The following ATP2B2 variants were observed in gnomAD, a reference collection of about 807,000 sequenced individuals.
ATP2B2 encodes the protein plasma membrane calcium-transporting ATPase 2.
In ATP2B2, 15 loss-of-function variants were observed where a neutral mutation model predicts 120.0. That is an observed-to-expected ratio of 0.12 (90% CI 0.08 to 0.19). The LOEUF (loss-of-function observed/expected upper bound fraction) is 0.19. Ranked by LOEUF, ATP2B2 falls within the 10% of genes least tolerant of loss-of-function variation. ATP2B2 has a pLI of 1.00. For synonymous variants in ATP2B2, 694 were observed against 700.3 expected (o/e 0.99, Z 0.14); for missense variants, 1,045 against 1,719.8 (o/e 0.61, Z 6.94).
Position 10,329,402 on chromosome 3 carries a change from G to A in ATP2B2, c.3421-277C>T, listed in dbSNP as rs751019091. On this transcript the variant is annotated intron_variant, in intron 22 of 22. Transcript: ENST00000360273. This position sits in a 1 kb window ranked among gnomAD's most constrained non-coding sequence, Gnocchi z 5.9. ...CCAAGCACCATCAAAGAGATGATGGGGAACAGTGGTTAAAGGAAGCACAGT... is the reference window on the plus strand; with the variant it reads ...CCAAGCACCATCAAAGAGATGATGGAGAACAGTGGTTAAAGGAAGCACAGT... 2.0e-5 allele frequency among the ~76,000 whole-genome samples: 3 copies of A among 152,042 alleles called. No individual in the cohort carries two copies. The highest frequency in any genetic ancestry group is 6.6e-5 in the Admixed American group (1 of 15,266).
intron 5 of ATP2B2, among the ~76,000 whole-genome samples, chr3:10,398,018 C>T (rs1193173813): frequency 6.6e-6 from 1 of 152,162 alleles, no homozygotes; most frequent in African/African-American, 2.4e-5. Context: ...ATTTCTGATG[C>T]CAGGGCTTCA....
At chr3:10,577,679 C>A (rs1038750546) in intron 2 of ATP2B2, among the ~76,000 whole-genome samples, 4 of 152,214 alleles carry the variant, frequency 2.6e-5, no homozygotes, top group African/African-American at 9.7e-5. Flanking sequence ...TAGATGGTGT[C>A]CTGCCAGCTC....
intron 1 of ATP2B2, among the ~76,000 whole-genome samples, chr3:10,703,602 C>T (rs915686080): frequency 5.9e-5 from 9 of 152,172 alleles, no homozygotes; most frequent in African/African-American, 1.2e-4. Context: ...CCTTTTAGCC[C>T]GCACAGCCAT....
rs150252720 is a variant in ATP2B2 at position 10,385,314 on chromosome 3, C to T, written c.954G>A (p.Ala318=). 1.5e-3 allele frequency: 2,417 copies of T among 1,613,804 alleles called. 25 individuals are homozygous for T. In the African/African-American group the frequency reaches 0.027, roughly 18 times the overall value. The change falls in exon 8 of 23, where the codon GCG becomes GCA. Residue 318 remains alanine (A), a synonymous_variant. Coordinates refer to ENST00000360273, the MANE Select transcript of ATP2B2 (RefSeq NM_001001331.4). The stretch of plus-strand genomic sequence containing the variant: ...CACTATCTGCAGCATTTGAAGCTGC[C>T]GCACCGTCTGCTGCTGCAGGGGGGT... ...DGLQLPAADG[A]AASNAADSAN...
In ATP2B2 at chr3:10,634,800, G is replaced by A. The variant is rs570152556; in HGVS notation, c.-459-14839C>T. 5.9e-5 allele frequency among the ~76,000 whole-genome samples: 9 copies of A among 152,292 alleles called. No homozygotes were observed. In the East Asian group the frequency reaches 1.4e-3, roughly 23 times the overall value. On this transcript the variant is annotated intron_variant, in intron 1 of 21. Transcript: ENST00000646379. ...TACTCCCCTAAAGGAGCTCCCCTGT[G>A]AGCCTCCTGGCAGCCAGAACTCCAC...
At chr3:10,648,067 G>A (rs561466268) in intron 1 of ATP2B2, among the ~76,000 whole-genome samples, 1 of 152,316 alleles carries the variant, frequency 6.6e-6, no homozygotes, top group African/African-American at 2.4e-5. Flanking sequence ...GAGCACTTGG[G>A]CATATAAGTT....
chr3:10,703,184 C>A (rs2071844810), intron 1 of ATP2B2, among the ~76,000 whole-genome samples: 2 of 152,214 alleles, frequency 1.3e-5, no homozygotes, highest in African/African-American at 4.8e-5. Context: ...TGGCTCCACC[C>A]TCAGGAGGCG....
At chr3:10,686,800 C>T (rs1323123582) in intron 1 of ATP2B2, among the ~76,000 whole-genome samples, 1 of 152,218 alleles carries the variant, frequency 6.6e-6, no homozygotes, top group African/African-American at 2.4e-5. Flanking sequence ...AAGCCCTATA[C>T]CTTTTAAGAA....
intron 3 of ATP2B2, among the ~76,000 whole-genome samples, chr3:10,409,480 T>C (rs2062532610): frequency 6.6e-6 from 1 of 152,214 alleles, no homozygotes; most frequent in Non-Finnish European, 1.5e-5. Context: ...TCAAGTCAGA[T>C]TTAAATCTCA....
intron 5 of ATP2B2, among the ~76,000 whole-genome samples, chr3:10,397,155 C>T (rs2062065358): frequency 6.6e-6 from 1 of 152,220 alleles, no homozygotes; most frequent in Non-Finnish European, 1.5e-5. Flanking sequence ...AGCTTCTCCC[C>T]ACTGCCTCTG....
chr3:10,553,945 G>GA (rs1279274405), intron 2 of ATP2B2, among the ~76,000 whole-genome samples: 19 of 140,442 alleles, frequency 1.4e-4, no homozygotes, highest in African/African-American at 5.0e-4. Context: ...GGGGTTTTGT[G>GA]AAAAGAAGCA....
chr3:10,581,069 G>C (rs906829893), intron 2 of ATP2B2, among the ~76,000 whole-genome samples: 3 of 152,220 alleles, frequency 2.0e-5, no homozygotes, highest in Non-Finnish European at 4.4e-5. Flanking sequence ...GGGGACTACT[G>C]TTCTGCCCAT....
intron 2 of ATP2B2, among the ~76,000 whole-genome samples, chr3:10,594,876 G>A (rs1158023513): frequency 1.3e-5 from 2 of 152,176 alleles, no homozygotes; most frequent in African/African-American, 4.8e-5. Flanking sequence ...ATGAGGAAAT[G>A]GAGGCGTAAG....
chr3:10,437,893 G>C (rs555173796), intron 2 of ATP2B2, among the ~76,000 whole-genome samples: 51 of 152,354 alleles, frequency 3.3e-4, no homozygotes, highest in African/African-American at 1.2e-3. Flanking sequence ...CAGAGAGACA[G>C]ATATGCATAG....
chr3:10,408,108 T>C (rs1221160666), intron 3 of ATP2B2, among the ~76,000 whole-genome samples: 1 of 152,194 alleles, frequency 6.6e-6, no homozygotes, highest in Non-Finnish European at 1.5e-5. Context: ...CACTGGCTGC[T>C]CAGGGAGGGC....
intron 8 of ATP2B2, among the ~76,000 whole-genome samples, chr3:10,382,508 G>A (rs957384940): frequency 8.4e-5 from 12 of 143,176 alleles, no homozygotes; most frequent in Admixed American, 1.4e-4. Context: ...TACCATGACC[G>A]GCTAATTTTT....
rs528965074 is a variant in ATP2B2, at chr3:10,555,452, C to T, written c.-414-21319G>A. The stretch of plus-strand genomic sequence containing the variant: ...GGTCCAGAGCAAATGCTGCCTCCTC[C>T]GGGAAGCCTTCCCTGACCTCCCTGT... On this transcript the variant is annotated intron_variant, in intron 2 of 21. Coordinates refer to the ATP2B2 transcript ENST00000646379. Among the ~76,000 whole-genome samples, 7 of 152,346 alleles carry T rather than the reference C, an allele frequency of 4.6e-5. No individual in the cohort carries two copies. In the South Asian group the frequency reaches 6.2e-4, roughly 14 times the overall value.
chr3:10,595,951 C>T (rs2068754569), intron 2 of ATP2B2, among the ~76,000 whole-genome samples: 1 of 152,142 alleles, frequency 6.6e-6, no homozygotes, highest in Non-Finnish European at 1.5e-5. Flanking sequence ...TCCTCGAACC[C>T]ACCACGTTCA....
intron 1 of ATP2B2, among the ~76,000 whole-genome samples, chr3:10,473,931 T>C (rs952648110): frequency 4.6e-5 from 7 of 152,228 alleles, no homozygotes; most frequent in African/African-American, 1.7e-4. Context: ...TAGTGAGAGA[T>C]GCCTCTAAAG....
Sources: allele counts gnomAD v4.1 joint callset (sites outside exome capture counted in the v4.1 genomes callset), GRCh38; gene constraint gnomAD v4.1.1; non-coding constraint Gnocchi (gnomAD v3.1); transcripts MANE v1.5; gene names NCBI Gene and HGNC (gene_info 2026-07-23, HGNC 2026-07-21).